The following DLG2 variants were observed in gnomAD, a reference collection of about 807,000 sequenced individuals.
DLG2 encodes disks large homolog 2.
DLG2 carries 45 observed loss-of-function variants against 132.5 expected under a neutral mutation model. The observed-to-expected ratio is 0.34, with a 90% CI of 0.27 to 0.44. DLG2 has a LOEUF of 0.44. Ranked by LOEUF, DLG2 falls within the 20% of genes least tolerant of loss-of-function variation. The pLI is 1.00. For missense variants in DLG2, 1,045 were observed against 1,196.9 expected (o/e 0.87, Z 1.87); for synonymous variants, 424 against 419.6 (o/e 1.01, Z -0.13).
intron 3 of DLG2, among the ~76,000 whole-genome samples, chr11:85,442,055 A>C (rs2091806863): frequency 6.6e-6 from 1 of 152,106 alleles, no homozygotes. Flanking sequence ...GCTGTTAGGG[A>C]CAAGCTGAGA....
intron 10 of DLG2, among the ~76,000 whole-genome samples, chr11:84,097,476 G>T (rs995912493): frequency 6.6e-6 from 1 of 152,042 alleles, no homozygotes; most frequent in Non-Finnish European, 1.5e-5. Context: ...CCACTCCACA[G>T]CTCTTTGGCT....
intron 7 of DLG2, among the ~76,000 whole-genome samples, chr11:84,451,123 G>A (rs1197378881): frequency 6.6e-6 from 1 of 151,810 alleles, no homozygotes; most frequent in East Asian, 1.9e-4. Flanking sequence ...GAGCCCAGGG[G>A]ACTTCAAGTT....
At chr11:84,572,254 A>C (rs891778233) in intron 6 of DLG2, among the ~76,000 whole-genome samples, 1 of 152,120 alleles carries the variant, frequency 6.6e-6, no homozygotes, top group African/African-American at 2.4e-5. Flanking sequence ...AATGATTACA[A>C]TTCTTTATAG....
At chr11:84,283,261 A>T (rs1398214517) in intron 7 of DLG2, among the ~76,000 whole-genome samples, 9 of 152,228 alleles carry the variant, frequency 5.9e-5, no homozygotes, top group Non-Finnish European at 1.5e-5. Flanking sequence ...CAGATAGAGA[A>T]ATAGGTTCAC....
At chr11:84,995,730 A>T (rs919360581) in intron 6 of DLG2, among the ~76,000 whole-genome samples, 43 of 151,360 alleles carry the variant, frequency 2.8e-4, no homozygotes, top group Admixed American at 5.3e-4. Flanking sequence ...TTTTTTTTTA[A>T]AAAAAAAGAG....
chr11:84,253,474 G>C (rs1445321324), intron 7 of DLG2, among the ~76,000 whole-genome samples: 3 of 152,170 alleles, frequency 2.0e-5, no homozygotes, highest in Admixed American at 6.5e-5. Context: ...TTAGTAGTAA[G>C]TGTCTCTTAA....
chr11:84,833,066 A>C (rs114127245), intron 6 of DLG2, among the ~76,000 whole-genome samples: 1 of 150,970 alleles, frequency 6.6e-6, no homozygotes, highest in Admixed American at 6.6e-5. Context: ...TGAACTATAG[A>C]AAAATTTTAT....
At chr11:84,867,617 T>C (rs967045967) in intron 6 of DLG2, among the ~76,000 whole-genome samples, 1 of 152,290 alleles carries the variant, frequency 6.6e-6, no homozygotes. Flanking sequence ...TAGAAAACAC[T>C]GCCAAGCACA....
chr11:85,584,339 GGTGTGTGTGTGTGTGT>G (rs61334060), intron 3 of DLG2, among the ~76,000 whole-genome samples: 1 of 144,970 alleles, frequency 6.9e-6, no homozygotes, highest in Non-Finnish European at 1.5e-5. Context: ...AGTATTCCAT[GGTGTGTGTGTGTGTGT>G]GTGTGTGTGT....
chr11:84,908,203 G>C (rs2154075793), intron 6 of DLG2, among the ~76,000 whole-genome samples: 1 of 151,976 alleles, frequency 6.6e-6, no homozygotes, highest in South Asian at 2.1e-4. Context: ...ATTGAAAAAA[G>C]TGGAAAAAAA....
intron 21 of DLG2, among the ~76,000 whole-genome samples, chr11:83,489,688 T>C (rs946290911): frequency 1.3e-5 from 2 of 151,070 alleles, no homozygotes; most frequent in Non-Finnish European, 2.9e-5. Flanking sequence ...ATGGGAGGGA[T>C]GTAGTACTTA....
chr11:83,860,774 C>T (rs751819176), intron 16 of DLG2, among the ~76,000 whole-genome samples: 2 of 152,180 alleles, frequency 1.3e-5, no homozygotes, highest in Non-Finnish European at 1.5e-5. Flanking sequence ...CCACCTAAAT[C>T]TCATCTTGAA....
rs115408909 is a variant in DLG2 at position 84,269,845 on chromosome 11, A to G, written c.520-18554T>C. Among the ~76,000 whole-genome samples the G allele has an allele frequency of 3.6e-3, 541 of 152,298 alleles. 5 individuals carry two copies. Among genetic ancestry groups the G allele is most frequent in the African/African-American group, 0.012 (507 of 41,570 alleles). ...ATATGATTGTTAGCAGTATAAGGAA[A>G]ACCAAATTTGTACATTGCAGCAAGA... On this transcript the variant is annotated intron_variant, in intron 7 of 27. Transcript: ENST00000376104.
At chr11:84,288,971 C>T (rs2097948326) in intron 7 of DLG2, among the ~76,000 whole-genome samples, 1 of 151,986 alleles carries the variant, frequency 6.6e-6, no homozygotes, top group Non-Finnish European at 1.5e-5. Context: ...ATTCTTTTTT[C>T]ATCAGTAATC....
intron 3 of DLG2, among the ~76,000 whole-genome samples, chr11:85,319,849 G>A (rs144827440): frequency 4.2e-4 from 64 of 151,832 alleles, no homozygotes; most frequent in African/African-American, 1.5e-3. Flanking sequence ...AAAATCTGGA[G>A]AGCCTACACC....
At chr11:83,503,458 C>T (rs1489434657) in intron 21 of DLG2, among the ~76,000 whole-genome samples, 1 of 143,248 alleles carries the variant, frequency 7.0e-6, no homozygotes, top group African/African-American at 2.6e-5. Flanking sequence ...TTTATACACA[C>T]ACACACATAT....
chr11:84,784,143 C>CAAAAA (rs59301159), intron 6 of DLG2, among the ~76,000 whole-genome samples: 4 of 8,656 alleles, frequency 4.6e-4, no homozygotes, highest in Non-Finnish European at 5.8e-4. Flanking sequence ...ACTAAAAATG[C>CAAAAA]AAAAAAAAAA....
At chr11:84,811,679 T>C (rs981887110) in intron 6 of DLG2, among the ~76,000 whole-genome samples, 3 of 152,178 alleles carry the variant, frequency 2.0e-5, no homozygotes, top group Admixed American at 6.6e-5. Context: ...ATATGACTGA[T>C]AGGCTTACCA....
intron 8 of DLG2, among the ~76,000 whole-genome samples, chr11:84,233,295 C>G (rs2097118371): frequency 6.6e-6 from 1 of 152,126 alleles, no homozygotes; most frequent in South Asian, 2.1e-4. Flanking sequence ...ATTGTTTAGG[C>G]AGATAGTGAG....
Sources: gnomAD v4.1 joint callset for allele counts (sites outside exome capture counted in the v4.1 genomes callset) on GRCh38, gnomAD v4.1.1 for gene constraint, MANE v1.5 for transcripts, NCBI Gene and HGNC (gene_info 2026-07-23, HGNC 2026-07-21) for gene names.